Variants in ERG observed in about 807,000 individuals in gnomAD.
ERG encodes the protein transcriptional regulator ERG.
Under a neutral mutation model 55.3 loss-of-function variants are expected in ERG, and 9 were observed. The ratio of observed to expected loss-of-function variants is 0.16; its 90% CI spans 0.10 to 0.28. ERG has a LOEUF of 0.28. ERG is among the 10% of genes least tolerant of loss of function. The pLI is 1.00. For missense variants in ERG, 434 were observed against 631.6 expected, an observed-to-expected ratio of 0.69 and a Z score of 3.35; for synonymous variants, 223 against 237.3, an observed-to-expected ratio of 0.94 and a Z score of 0.55.
In ERG at chr21:38,380,594, A is replaced by T; in HGVS notation, c.*2809T>A. On this transcript the variant is annotated 3_prime_UTR_variant, in exon 10 of 10. Coordinates refer to ENST00000288319, the MANE Select transcript of ERG (RefSeq NM_182918.4). Reference sequence around the variant, plus strand: ...AGAGAAAAGGTTCATGCAATTATGAATATGACCTGGAGGGGGCTTTGGAAT... The same window carrying T: ...AGAGAAAAGGTTCATGCAATTATGATTATGACCTGGAGGGGGCTTTGGAAT... 1 of 1,065,746 alleles carries T rather than the reference A, an allele frequency of 9.4e-7. No homozygotes were observed. Among genetic ancestry groups the T allele is most frequent in the Non-Finnish European group, 1.1e-6 (1 of 879,548 alleles). 66.0% of individuals were successfully genotyped at this position (1,065,746 alleles called of 1,614,324 possible).
intron 3 of ERG, among the ~76,000 whole-genome samples, chr21:38,422,034 C>T (rs908801627): frequency 6.6e-6 from 1 of 152,044 alleles, no homozygotes; most frequent in Non-Finnish European, 1.5e-5. Context: ...AAAACTTTTA[C>T]ATAAACATGC....
chr21:38,471,436 C>T (rs904490159), intron 1 of ERG: 4 of 152,222 alleles, frequency 2.6e-5, no homozygotes, highest in Admixed American at 6.5e-5. Context: ...GCAACACTTA[C>T]GGAGCTCATC....
chr21:38,423,647 A>C, intron 2 of ERG, 86 bp from the exon 3 acceptor site: 1 of 1,379,800 alleles, frequency 7.2e-7, no homozygotes, highest in Non-Finnish European at 1.0e-6. Context: ...GAGAGAACCA[A>C]AGAAGGGCAA....
At chr21:38,400,312 C>A (rs1179493433) in intron 6 of ERG, 1 of 583,072 alleles carries the variant, frequency 1.7e-6, no homozygotes, top group Non-Finnish European at 3.2e-6. Context: ...TGCCAGGCAT[C>A]CAGGATGCCT....
At chr21:38,483,079 G>T (rs753213823) in intron 1 of ERG, among the ~76,000 whole-genome samples, 1 of 152,174 alleles carries the variant, frequency 6.6e-6, no homozygotes, top group African/African-American at 2.4e-5. Context: ...GACAAATACT[G>T]CATGATCTCA....
At chr21:38,456,825 C>T (rs2058994247) in intron 1 of ERG, among the ~76,000 whole-genome samples, 1 of 152,152 alleles carries the variant, frequency 6.6e-6, no homozygotes, top group South Asian at 2.1e-4. Flanking sequence ...TAAATATATC[C>T]TGGTTGCTGC....
downstream of ERG, among the ~76,000 whole-genome samples, chr21:38,375,303 T>C (rs888082430): frequency 6.6e-6 from 1 of 152,196 alleles, no homozygotes; most frequent in African/African-American, 2.4e-5. Flanking sequence ...CTCTATGTTA[T>C]GAGAGTCAGG....
intron 1 of ERG, among the ~76,000 whole-genome samples, chr21:38,625,082 C>T (rs895694320): frequency 5.9e-5 from 9 of 152,084 alleles, no homozygotes; most frequent in Non-Finnish European, 1.3e-4. Context: ...CATTATTTCA[C>T]ACATCAACCC....
intron 6 of ERG, chr21:38,400,303 G>T: frequency 1.8e-6 from 1 of 564,942 alleles, no homozygotes; most frequent in South Asian, 1.6e-5. Context: ...ATTCCTAACT[G>T]CCAGGCATCC....
At chr21:38,442,286 C>T (rs982894885) in intron 2 of ERG, among the ~76,000 whole-genome samples, 2 of 152,066 alleles carry the variant, frequency 1.3e-5, no homozygotes, top group African/African-American at 4.8e-5. Flanking sequence ...CCCAGCTACT[C>T]AGGAGGCTGA....
chr21:38,554,756 A>T (rs1308463184), intron 2 of ERG, among the ~76,000 whole-genome samples: 1 of 152,086 alleles, frequency 6.6e-6, no homozygotes, highest in Non-Finnish European at 1.5e-5. Flanking sequence ...AATAATCTGC[A>T]CACCAAACTC....
At chr21:38,599,487 G>T (rs971089337) in intron 1 of ERG, among the ~76,000 whole-genome samples, 2 of 152,146 alleles carry the variant, frequency 1.3e-5, no homozygotes, top group Non-Finnish European at 2.9e-5. Context: ...ATGATGCATG[G>T]CCAAGTAACC....
At chr21:38,563,060 G>C (rs2059902442) in intron 2 of ERG, among the ~76,000 whole-genome samples, 1 of 152,190 alleles carries the variant, frequency 6.6e-6, no homozygotes, top group African/African-American at 2.4e-5. Context: ...CCATATGACA[G>C]TCTGGAAATG....
At chr21:38,397,983 A>G (rs961845845) in intron 6 of ERG, among the ~76,000 whole-genome samples, 1 of 152,136 alleles carries the variant, frequency 6.6e-6, no homozygotes, top group African/African-American at 2.4e-5. Flanking sequence ...GATTAGACAA[A>G]GGGTATGGAA....
At chr21:38,489,373 A>G (rs557006410) in intron 1 of ERG, among the ~76,000 whole-genome samples, 1 of 152,364 alleles carries the variant, frequency 6.6e-6, no homozygotes, top group Non-Finnish European at 1.5e-5. Flanking sequence ...TGCACAAGAA[A>G]CAAAGAAGTG....
chr21:38,374,398 C>T, the ERG span, among the ~76,000 whole-genome samples: 1 of 152,220 alleles, frequency 6.6e-6, no homozygotes, highest in Non-Finnish European at 1.5e-5. Context: ...AACACCACTA[C>T]AGGGTAATTG....
chr21:38,399,003 T>A (rs1014750383), intron 6 of ERG, among the ~76,000 whole-genome samples: 2 of 152,262 alleles, frequency 1.3e-5, no homozygotes, highest in Non-Finnish European at 2.9e-5. Flanking sequence ...AAATATTTTT[T>A]AAATGCTCAC....
chr21:38,593,898 G>C (rs1321582714), intron 1 of ERG, among the ~76,000 whole-genome samples: 1 of 152,146 alleles, frequency 6.6e-6, no homozygotes, highest in African/African-American at 2.4e-5. Flanking sequence ...ATAGTATAGA[G>C]AGGCAGATAG....
chr21:38,588,010 G>A (rs764554342), upstream of ERG, among the ~76,000 whole-genome samples: 1 of 152,174 alleles, frequency 6.6e-6, no homozygotes, highest in Non-Finnish European at 1.5e-5. Flanking sequence ...CATTTATCCT[G>A]AGAGCATTTA....
Sources: gnomAD v4.1 joint callset for allele counts (sites outside exome capture counted in the v4.1 genomes callset) on GRCh38, gnomAD v4.1.1 for gene constraint, MANE v1.5 for transcripts, NCBI Gene and HGNC (gene_info 2026-07-23, HGNC 2026-07-21) for gene names.